ZNF678: variants seen among roughly 807,000 people sequenced by gnomAD.
ZNF678 encodes zinc finger protein 678, also known as hypothetical protein MGC42493.
Under a neutral mutation model 3.0 loss-of-function variants are expected in ZNF678, and 5 were observed. The observed-to-expected ratio is 1.69, with a 90% confidence interval of 0.88 to 3.56. ZNF678 has a LOEUF of 3.56. Among genes scored for constraint, ZNF678 ranks in the 30% most tolerant of loss-of-function variants. The pLI is 0.00. For synonymous variants in ZNF678, 218 were observed against 199.6 expected (o/e 1.09, Z -0.78); for missense variants, 593 against 605.0 (o/e 0.98, Z 0.21).
chr1:227,582,216 T>C (rs1188988822), intron 1 of ZNF678, among the ~76,000 whole-genome samples: 2 of 152,148 alleles, frequency 1.3e-5, no homozygotes, highest in East Asian at 1.9e-4. Flanking sequence ...CTCTAGTTTT[T>C]TATTTTCTTA....
At chr1:227,585,502 C>T (rs1034475572) in intron 1 of ZNF678, among the ~76,000 whole-genome samples, 4 of 152,222 alleles carry the variant, frequency 2.6e-5, no homozygotes, top group South Asian at 4.2e-4. Flanking sequence ...TGGCCGGGCA[C>T]GGTGGCACAC....
chr1:227,672,340 A>T (rs1264302899), intron 5 of ZNF678, among the ~76,000 whole-genome samples: 1 of 152,056 alleles, frequency 6.6e-6, no homozygotes, highest in African/African-American at 2.4e-5. Context: ...GTTAGAAAGG[A>T]TATGAGGTAG....
Position 227,587,516 on chromosome 1 carries a change from C to G in ZNF678, c.-164+23792C>G, listed in dbSNP as rs536396463. ...GAGAATAGAATAGAGTTTGCTTATCCTATCTTGTCTAGAACCAAAAGTTTC... is the reference window on the plus strand; with the variant it reads ...GAGAATAGAATAGAGTTTGCTTATCGTATCTTGTCTAGAACCAAAAGTTTC... On this transcript the variant is annotated intron_variant, in intron 1 of 3. Transcript: ENST00000343776. Among the ~76,000 whole-genome samples the G allele has an allele frequency of 3.3e-5, 5 of 152,250 alleles. No homozygotes were observed. In the South Asian group the frequency reaches 8.3e-4, roughly 25 times the overall value.
rs1454631128 is a variant in ZNF678 at position 227,655,299 on chromosome 1, A to G, written c.1049A>G (p.Lys350Arg). Reference sequence around the variant, plus strand: ...ATTCATACTGGAGAGAAACCCTACAAATGTGAAGAATGTGGCAGAACCTTT... The same window carrying G: ...ATTCATACTGGAGAGAAACCCTACAGATGTGAAGAATGTGGCAGAACCTTT... ...KRIHTGEKPY[K>R]CEECGRTFTQ... is the part of the protein sequence containing the mutation. Residue 350 changes from lysine (K) to arginine (R), a missense_variant, in exon 4 of 4, where the codon AAA becomes AGA. By Grantham distance (26) the Lys-to-Arg change is conservative. Transcript: ENST00000343776. 7 of 1,611,180 alleles carry G rather than the reference A, an allele frequency of 4.3e-6. No individual in the cohort carries two copies. The highest frequency in any genetic ancestry group is 1.3e-5 in the African/African-American group (1 of 74,808).
chr1:227,592,728 G>A (rs1657448802), intron 1 of ZNF678, among the ~76,000 whole-genome samples: 1 of 152,220 alleles, frequency 6.6e-6, no homozygotes, highest in African/African-American at 2.4e-5. Flanking sequence ...CTAAATAGAT[G>A]TGAGAGTTGA....
At chr1:227,585,061 T>C (rs1401740474) in intron 1 of ZNF678, among the ~76,000 whole-genome samples, 1 of 152,204 alleles carries the variant, frequency 6.6e-6, no homozygotes, top group Non-Finnish European at 1.5e-5. Context: ...TTGAATTACT[T>C]GCTTGATAAA....
At chr1:227,673,329 T>C (rs1480037894) in intron 5 of ZNF678, among the ~76,000 whole-genome samples, 1 of 152,224 alleles carries the variant, frequency 6.6e-6, no homozygotes, top group East Asian at 1.9e-4. Context: ...TCATATCTCC[T>C]GTCTTAGATG....
intron 1 of ZNF678, among the ~76,000 whole-genome samples, chr1:227,628,306 T>C (rs894138439): frequency 6.6e-6 from 1 of 152,166 alleles, no homozygotes; most frequent in Non-Finnish European, 1.5e-5. Flanking sequence ...TTTTTTTCTG[T>C]GACATATAAA....
rs143360609 is a variant in ZNF678, at chr1:227,618,415, G to A, written c.-163-28129G>A. On this transcript the variant is annotated intron_variant, in intron 1 of 3. Coordinates refer to ENST00000343776, the MANE Select transcript of ZNF678 (RefSeq NM_001367909.1). ...TCTGTCATGTTCACACCCAGATCAC[G>A]GTTGGCAGGATGAGTGTTGGGAATC... is the stretch of plus-strand genomic sequence containing the variant. Among the ~76,000 whole-genome samples the A allele has an allele frequency of 1.5e-3, 231 of 152,292 alleles. No homozygotes were observed. The South Asian group carries it at 0.017, about 11-fold the overall frequency.
At chr1:227,567,864 A>G (rs1656736448) in intron 1 of ZNF678, among the ~76,000 whole-genome samples, 3 of 152,152 alleles carry the variant, frequency 2.0e-5, no homozygotes, top group South Asian at 4.1e-4. Flanking sequence ...ACTTAATTCT[A>G]AAGGAATATT....
chr1:227,624,130 T>C (rs902202948), intron 1 of ZNF678, among the ~76,000 whole-genome samples: 2 of 152,236 alleles, frequency 1.3e-5, no homozygotes, highest in African/African-American at 4.8e-5. Flanking sequence ...AATACTTATC[T>C]GTTTGGACAA....
intron 1 of ZNF678, among the ~76,000 whole-genome samples, chr1:227,622,211 G>A (rs1028074155): frequency 3.9e-5 from 6 of 152,178 alleles, no homozygotes; most frequent in Admixed American, 1.3e-4. Flanking sequence ...GAACTTTGGT[G>A]TCCACAACTT....
Position 227,651,090 on chromosome 1 carries a change from C to T in ZNF678, c.85+14C>T. On this transcript the variant is annotated intron_variant, in intron 3 of 3. Transcript: ENST00000343776. ...TGGTTTATACAGGTAAAGATTTTAT[C>T]CTATTGGGTCTCCAGGCTGATGAGA... is the stretch of plus-strand genomic sequence containing the variant. 1.2e-6 allele frequency: 2 copies of T among 1,611,614 alleles called. No homozygotes were observed. The highest frequency in any genetic ancestry group is 1.7e-6 in the Non-Finnish European group (2 of 1,178,654).
intron 3 of ZNF678, among the ~76,000 whole-genome samples, chr1:227,651,784 G>C (rs949181867): frequency 6.6e-6 from 1 of 152,118 alleles, no homozygotes; most frequent in African/African-American, 2.4e-5. Context: ...ATGTTACCCA[G>C]GCTGGTCTCA....
At chr1:227,621,494 C>G (rs895983358) in intron 1 of ZNF678, among the ~76,000 whole-genome samples, 1 of 152,130 alleles carries the variant, frequency 6.6e-6, no homozygotes, top group Non-Finnish European at 1.5e-5. Context: ...AGGCAGCTTT[C>G]TTTTGATGCC....
At position 227,672,268 on chromosome 1, in the gene ZNF678, A is replaced by G. The variant is rs1391571352; in HGVS notation, c.227-4911A>G. Among the ~76,000 whole-genome samples the G allele has an allele frequency of 3.9e-5, 6 of 152,112 alleles. No homozygotes were observed. The South Asian group carries it at 1.2e-3, about 32-fold the overall frequency. ...CTGCCACCACCATATGAGATTAGGG[A>G]ACAGTAGGGGGAAGAAAAGGGAGAA... is the stretch of plus-strand genomic sequence containing the variant. On this transcript the variant is annotated intron_variant, in intron 5 of 5. Coordinates refer to the ZNF678 transcript ENST00000608949.
intron 1 of ZNF678, among the ~76,000 whole-genome samples, chr1:227,631,781 G>A (rs60397612): frequency 0.014 from 2,103 of 152,244 alleles, 54 homozygotes; most frequent in African/African-American, 0.047. Context: ...ACTTCTGGGC[G>A]CCATGTTGTC....
At chr1:227,595,636 G>A (rs1352819209) in intron 1 of ZNF678, among the ~76,000 whole-genome samples, 3 of 151,876 alleles carry the variant, frequency 2.0e-5, no homozygotes, top group African/African-American at 4.8e-5. Context: ...CAAACCACAC[G>A]CACACCACAA....
chr1:227,606,671 G>A (rs1413669947), intron 1 of ZNF678, among the ~76,000 whole-genome samples: 1 of 152,204 alleles, frequency 6.6e-6, no homozygotes. Context: ...GGCTGTCTCA[G>A]TGGCGGGGAA....
Sources: gnomAD v4.1 joint callset for allele counts (sites outside exome capture counted in the v4.1 genomes callset) on GRCh38, gnomAD v4.1.1 for gene constraint, MANE v1.5 for transcripts, NCBI Gene and HGNC (gene_info 2026-07-23, HGNC 2026-07-21) for gene names.